HAPLN4: variants seen among roughly 807,000 people sequenced by gnomAD.
The protein encoded by HAPLN4 is brain link protein 2.
HAPLN4 carries 19 observed loss-of-function variants against 28.0 expected under a neutral mutation model. The ratio of observed to expected loss-of-function variants is 0.68; its 90% CI spans 0.47 to 1.00. The LOEUF is 1.00. HAPLN4 is among the 50% of genes least tolerant of loss of function. HAPLN4 has a pLI of 0.00. For synonymous variants in HAPLN4, 274 were observed against 273.0 expected, an observed-to-expected ratio of 1.00 and a Z score of -0.03; for missense variants, 587 against 602.6, an observed-to-expected ratio of 0.97 and a Z score of 0.27.
At position 19,261,480 on chromosome 19, in the gene HAPLN4, C is replaced by A. The variant is rs751507880; in HGVS notation, c.87G>T (p.Ala29=). Residue 29 remains alanine, a synonymous_variant, in exon 2 of 5, where the codon GCG becomes GCT. Transcript: ENST00000291481. ...GVLLLTAPAG[A]QRGRKKVVHV... ...GCACGACCTTCTTCCGGCCACGCTGCGCCCCCGCAGGGGCTGTGAGCAGCA... is the reference window on the plus strand; with the variant it reads ...GCACGACCTTCTTCCGGCCACGCTGAGCCCCCGCAGGGGCTGTGAGCAGCA... The A allele has an allele frequency of 9.3e-6, 15 of 1,611,932 alleles. No homozygotes were observed. The highest frequency in any genetic ancestry group is 2.2e-5 in the South Asian group (2 of 91,080).
In HAPLN4 at chr19:19,257,249, G is replaced by A; in HGVS notation, c.*568C>T. On this transcript the variant is annotated 3_prime_UTR_variant, in exon 5 of 5. Coordinates refer to ENST00000291481, the MANE Select transcript of HAPLN4 (RefSeq NM_023002.3). ...GTCTCCAGGACTCAGGTCACCATAAGGGAAAATAAGCGCCTCGGCCCACAA... is the reference window on the plus strand; with the variant it reads ...GTCTCCAGGACTCAGGTCACCATAAAGGAAAATAAGCGCCTCGGCCCACAA... 1 of 152,348 alleles carries A rather than the reference G, an allele frequency of 6.6e-6. No homozygotes were observed. Among genetic ancestry groups the A allele is most frequent in the East Asian group, 1.9e-4 (1 of 5,190 alleles). 9.4% of individuals were successfully genotyped at this position (152,348 alleles called of 1,614,324 possible).
chr19:19,261,279 G>T, intron 2 of HAPLN4, 104 bp from the exon 3 acceptor site: 1 of 1,337,354 alleles, frequency 7.5e-7, no homozygotes, highest in Non-Finnish European at 1.0e-6. Context: ...TCGGGTGGGG[G>T]TCGGGGAATC....
chr19:19,261,811 C>A (rs1216046964), intron 1 of HAPLN4: 7 of 440,830 alleles, frequency 1.6e-5, no homozygotes, highest in East Asian at 1.2e-4. Flanking sequence ...CATTCCCCCC[C>A]ACCCCAAAAC....
rs1295394228 is a variant in HAPLN4, at chr19:19,262,782, TCC to T, written c.-52_-51del. 1 of 1,598,458 alleles carries T rather than the reference TCC, an allele frequency of 6.3e-7. No individual in the cohort carries two copies. The highest frequency in any genetic ancestry group is 8.5e-7 in the Non-Finnish European group (1 of 1,171,752). On this transcript the variant is annotated 5_prime_UTR_variant, in exon 1 of 5. Transcript: ENST00000291481. ...CGGCCCCTACGCACCCGGACTGCGC[TCC>T]CCGCACACCCGGTTAAGACTGGGCA... is the stretch of plus-strand genomic sequence containing the variant.
rs551413409 is a variant in HAPLN4 at position 19,256,829 on chromosome 19, G to A, written c.*988C>T. The A allele has an allele frequency of 1.3e-5, 2 of 152,878 alleles. No homozygotes were observed. The highest frequency in any genetic ancestry group is 1.5e-5 in the Non-Finnish European group (1 of 68,206). 9.5% of individuals were successfully genotyped at this position (152,878 alleles called of 1,614,324 possible). On this transcript the variant is annotated 3_prime_UTR_variant, in exon 5 of 5. Coordinates refer to ENST00000291481, the MANE Select transcript of HAPLN4 (RefSeq NM_023002.3). ...GAAATGTGTGGTATCCATGGTTACA[G>A]CTGGAGGAGGGAGGCACTGTCTTCA... is the stretch of plus-strand genomic sequence containing the variant.
Position 19,258,470 on chromosome 19 carries a change from G to C in HAPLN4, c.817+53C>G. ...AGAGCTGGGTGGGGAAGAAGGCCCC[G>C]GGGTTGGGGTAGTGTTGCAGCAGAG... is the stretch of plus-strand genomic sequence containing the variant. On this transcript the variant is annotated intron_variant, in intron 4 of 4. Transcript: ENST00000291481. This position sits in a 1 kb window ranked among gnomAD's most constrained non-coding sequence, Gnocchi z 6.2. 1 of 1,549,876 alleles carries C rather than the reference G, an allele frequency of 6.5e-7. No individual in the cohort carries two copies. The highest frequency in any genetic ancestry group is 8.8e-7 in the Non-Finnish European group (1 of 1,130,298).
rs781536387 is a variant in HAPLN4 at position 19,258,732 on chromosome 19, C to G, written c.608G>C (p.Arg203Pro). 6.2e-7 allele frequency: 1 copy of G among 1,602,934 alleles called. No individual in the cohort carries two copies. ...ASAEQLHAAW[R>P]DGLDWCNAGW... is the part of the protein sequence containing the mutation. ...CGCGTTGCACCAGTCCAGGCCGTCG[C>G]GCCAGGCCGCGTGCAGCTGTTCTGC... The change falls in exon 4 of 5, where the codon CGC (arginine) becomes CCC (proline). Residue 203 changes from arginine to proline, a missense_variant. By Grantham distance (103) the Arg-to-Pro change is moderately radical (BLOSUM62 -2). Coordinates refer to ENST00000291481, the MANE Select transcript of HAPLN4 (RefSeq NM_023002.3). This position sits in a 1 kb window ranked among gnomAD's most constrained non-coding sequence, Gnocchi z 6.2.
chr19:19,257,797 G>C lies in HAPLN4; in HGVS notation c.*20C>G. 7.2e-7 allele frequency: 1 copy of C among 1,392,438 alleles called. No homozygotes were observed. Among genetic ancestry groups the C allele is most frequent in the Non-Finnish European group, 9.3e-7 (1 of 1,080,790 alleles). The allele number at this position is 1,392,438 out of a possible 1,614,324, so 86.3% of individuals were successfully genotyped here. On this transcript the variant is annotated 3_prime_UTR_variant, in exon 5 of 5. Transcript: ENST00000291481. ...TCTAGACCAGTGGTCAAGCGCCCTG[G>C]CTGTCCGCCTACTCCCAGCCTAGAC...
rs1342910898 is a variant in HAPLN4, at chr19:19,261,456, C to A, written c.111G>T (p.Val37=). The change falls in exon 2 of 5, where the codon GTG becomes GTT. Residue 37 remains valine, a synonymous_variant. Coordinates refer to ENST00000291481, the MANE Select transcript of HAPLN4 (RefSeq NM_023002.3). ...AGAQRGRKKV[V]HVLEGESGSV... Reference sequence around the variant, plus strand: ...GCGGCCCTGACTCACCCAGCACGTGCACGACCTTCTTCCGGCCACGCTGCG... The same window carrying A: ...GCGGCCCTGACTCACCCAGCACGTGAACGACCTTCTTCCGGCCACGCTGCG... 1 of 1,611,760 alleles carries A rather than the reference C, an allele frequency of 6.2e-7. No homozygotes were observed. The highest frequency in any genetic ancestry group is 2.2e-5 in the East Asian group (1 of 44,858).
Position 19,258,205 on chromosome 19 carries a change from C to G in HAPLN4, c.821G>C (p.Arg274Pro), listed in dbSNP as rs762209510. ...TCGCAGCGGCTTCAGGAAGAACACG[C>G]GCCCTGCGGGGGTGAGGTGGGGGGT... ...AFCFTSNLPG[R>P]VFFLKPLRPV... The change falls in exon 5 of 5, where the codon CGC becomes CCC. Residue 274 changes from arginine (R) to proline (P), a missense_variant. Arg to Pro is a moderately radical substitution (Grantham distance 103). Transcript: ENST00000291481. This position sits in a 1 kb window ranked among gnomAD's most constrained non-coding sequence, Gnocchi z 6.2. The G allele has an allele frequency of 6.7e-7, 1 of 1,493,892 alleles. No individual in the cohort carries two copies. Among genetic ancestry groups the G allele is most frequent in the Non-Finnish European group, 8.9e-7 (1 of 1,123,436 alleles). The allele number at this position is 1,493,892 out of a possible 1,614,324, so 92.5% of individuals were successfully genotyped here. A position where few individuals can be genotyped will look rare whatever the true frequency, so the allele number is the denominator to read the frequency against.
chr19:19,256,449 T>C lies in HAPLN4; in HGVS notation c.*1368A>G, dbSNP rs969897784. The stretch of plus-strand genomic sequence containing the variant: ...AGTTCCTGAGAACTGGAAGTCTGGT[T>C]GTCATGAGGACAACGTTGACAGTCT... On this transcript the variant is annotated 3_prime_UTR_variant, in exon 5 of 5. Transcript: ENST00000291481. 6.6e-6 allele frequency: 1 copy of C among 152,546 alleles called. No homozygotes were observed. The highest frequency in any genetic ancestry group is 1.5e-5 in the Non-Finnish European group (1 of 68,038). 9.4% of individuals were successfully genotyped at this position (152,546 alleles called of 1,614,324 possible).
At position 19,258,994 on chromosome 19, in the gene HAPLN4, C is replaced by T; in HGVS notation, c.485-139G>A. On this transcript the variant is annotated intron_variant, in intron 3 of 4. Coordinates refer to ENST00000291481, the MANE Select transcript of HAPLN4 (RefSeq NM_023002.3). This position sits in a 1 kb window ranked among gnomAD's most constrained non-coding sequence, Gnocchi z 6.2. ...TCTGGCCTCAGACCTGACCACGATCCTCCCCAGCTCACACCCCATATAGCT... is the reference window on the plus strand; with the variant it reads ...TCTGGCCTCAGACCTGACCACGATCTTCCCCAGCTCACACCCCATATAGCT... 4.6e-6 allele frequency: 3 copies of T among 656,214 alleles called. No individual in the cohort carries two copies. Among genetic ancestry groups the T allele is most frequent in the Non-Finnish European group, 7.5e-6 (3 of 397,436 alleles). The allele number at this position is 656,214 out of a possible 1,614,324, so 40.6% of individuals were successfully genotyped here.
Position 19,258,927 on chromosome 19 carries a change from T to C in HAPLN4, c.485-72A>G. ...CATGCACCTGACGTCTGGGGTGCTA[T>C]GTGACTCTTCAACCGGGACCTTTCA... On this transcript the variant is annotated intron_variant, in intron 3 of 4. Transcript: ENST00000291481. This position sits in a 1 kb window ranked among gnomAD's most constrained non-coding sequence, Gnocchi z 6.2. 1 of 1,258,868 alleles carries C rather than the reference T, an allele frequency of 7.9e-7. No individual in the cohort carries two copies. The highest frequency in any genetic ancestry group is 1.1e-6 in the Non-Finnish European group (1 of 933,908). The allele number at this position is 1,258,868 out of a possible 1,614,324, so 78.0% of individuals were successfully genotyped here.
rs2060967107 is a variant in HAPLN4, at chr19:19,256,842, G to C, written c.*975C>G. On this transcript the variant is annotated 3_prime_UTR_variant, in exon 5 of 5. Transcript: ENST00000291481. The stretch of plus-strand genomic sequence containing the variant: ...TCCATGGTTACAGCTGGAGGAGGGA[G>C]GCACTGTCTTCATGGGTGTGCCTGA... 1 of 152,784 alleles carries C rather than the reference G, an allele frequency of 6.5e-6. No individual in the cohort carries two copies. Among genetic ancestry groups the C allele is most frequent in the African/African-American group, 2.4e-5 (1 of 41,406 alleles). 9.5% of individuals were successfully genotyped at this position (152,784 alleles called of 1,614,324 possible). A position where few individuals can be genotyped will look rare whatever the true frequency, so the allele number is the denominator to read the frequency against.
At position 19,261,036 on chromosome 19, in the gene HAPLN4, T is replaced by C; in HGVS notation, c.261A>G (p.Thr87=). The C allele has an allele frequency of 6.2e-7, 1 of 1,613,520 alleles. No homozygotes were observed. Among genetic ancestry groups the C allele is most frequent in the Non-Finnish European group, 8.5e-7 (1 of 1,180,000 alleles). ...TGAAGGCCAGCGGGTCCACCACCTT[T>C]GTCCACTTGAGCCGGACGCCGTCGT... The part of the protein sequence containing the change: ...HGHDGVRLKW[T]KVVDPLAFTD... Residue 87 remains threonine (T), a synonymous_variant, in exon 3 of 5, where the codon ACA becomes ACG. Transcript: ENST00000291481.
In HAPLN4 at chr19:19,260,900, CGTTGCGGA is replaced by C; in HGVS notation, c.389_396del (p.Leu130ArgfsTer10). On this transcript the variant is annotated frameshift_variant, in exon 3 of 5. Transcript: ENST00000291481. LOFTEE classifies it high-confidence loss of function. ...TAGCGCCCGTAGTCTTGCAGCGTGA[CGTTGCGGA>C]GGACCAGGGAGGCATCCCCAGGCCC... 1 of 1,614,146 alleles carries C rather than the reference CGTTGCGGA, an allele frequency of 6.2e-7. No homozygotes were observed. Among genetic ancestry groups the C allele is most frequent in the Non-Finnish European group, 8.5e-7 (1 of 1,180,036 alleles).
Position 19,257,499 on chromosome 19 carries a change from G to A in HAPLN4, c.*318C>T. The A allele has an allele frequency of 3.4e-6, 1 of 295,188 alleles. No individual in the cohort carries two copies. Among genetic ancestry groups the A allele is most frequent in the African/African-American group, 2.2e-5 (1 of 45,930 alleles). The allele number at this position is 295,188 out of a possible 1,614,324, so 18.3% of individuals were successfully genotyped here. A position where few individuals can be genotyped will look rare whatever the true frequency, so the allele number is the denominator to read the frequency against. On this transcript the variant is annotated 3_prime_UTR_variant, in exon 5 of 5. Coordinates refer to ENST00000291481, the MANE Select transcript of HAPLN4 (RefSeq NM_023002.3). ...CTGTTTCCAAGTGGTCTCAGGAGGC[G>A]TGGCCAGTCTTCAGGAGCCTGCGGG...
At position 19,256,033 on chromosome 19, in the gene HAPLN4, T is replaced by C. The variant is rs2060964692; in HGVS notation, c.*1784A>G. 6.6e-6 allele frequency: 1 copy of C among 152,028 alleles called. No individual in the cohort carries two copies. The highest frequency in any genetic ancestry group is 6.6e-5 in the Admixed American group (1 of 15,242). 9.4% of individuals were successfully genotyped at this position (152,028 alleles called of 1,614,324 possible). A position where few individuals can be genotyped will look rare whatever the true frequency, so the allele number is the denominator to read the frequency against. On this transcript the variant is annotated 3_prime_UTR_variant, in exon 5 of 5. Coordinates refer to ENST00000291481, the MANE Select transcript of HAPLN4 (RefSeq NM_023002.3). The stretch of plus-strand genomic sequence containing the variant: ...AGATCGCCGCTTAGAGCCTGGTGGG[T>C]GTTGAATTTTAAAGAACATTCCATC...
chr19:19,262,529 T>C (rs1016704710), intron 1 of HAPLN4, among the ~76,000 whole-genome samples: 14 of 120,622 alleles, frequency 1.2e-4, no homozygotes, highest in Non-Finnish European at 1.8e-4. Flanking sequence ...GCAGAGAGGA[T>C]GACAGAGATG....
Sources: allele counts gnomAD v4.1 joint callset (sites outside exome capture counted in the v4.1 genomes callset), GRCh38; gene constraint gnomAD v4.1.1; non-coding constraint Gnocchi (gnomAD v3.1); transcripts MANE v1.5; gene names NCBI Gene and HGNC (gene_info 2026-07-23, HGNC 2026-07-21).